Variants in AFF3 observed in about 807,000 individuals in gnomAD.
AFF3 encodes the protein AF4/FMR2 family member 3.
A neutral mutation model predicts 129.7 loss-of-function variants in AFF3; 32 were observed. That is an observed-to-expected ratio of 0.25 (90% CI 0.19 to 0.33). The LOEUF is 0.33. Ranked by LOEUF, AFF3 falls within the 10% of genes least tolerant of loss-of-function variation. The pLI is 1.00. For synonymous variants in AFF3, 644 were observed against 635.4 expected (o/e 1.01, Z -0.20); for missense variants, 1,373 against 1,592.0 (o/e 0.86, Z 2.34).
chr2:99,927,739 A>T (rs1236499495), intron 7 of AFF3, among the ~76,000 whole-genome samples: 3 of 152,170 alleles, frequency 2.0e-5, no homozygotes, highest in Non-Finnish European at 4.4e-5. Context: ...AATAAAAGTT[A>T]AAAAAAATTT....
intron 7 of AFF3, among the ~76,000 whole-genome samples, chr2:99,919,200 T>A (rs1695689888): frequency 6.6e-6 from 1 of 152,214 alleles, no homozygotes; most frequent in African/African-American, 2.4e-5. Flanking sequence ...CTTTTATGGA[T>A]GATCCATGAG....
Position 99,659,108 on chromosome 2 carries a change from CT to C in AFF3, c.1144-9443del, listed in dbSNP as rs538477842. Reference sequence around the variant, plus strand: ...TGACAGAACTATGTAAAGGAAGTAGCTGTCTGGGTTAGGTCTGGGTAGGAGC... The same window carrying C: ...TGACAGAACTATGTAAAGGAAGTAGCGTCTGGGTTAGGTCTGGGTAGGAGC... On this transcript the variant is annotated intron_variant, in intron 12 of 24. Coordinates refer to ENST00000672756, the MANE Select transcript of AFF3 (RefSeq NM_001386135.1). Among the ~76,000 whole-genome samples, 406 of 152,310 alleles carry C rather than the reference CT, an allele frequency of 2.7e-3. 3 individuals are homozygous for C. Among genetic ancestry groups the C allele is most frequent in the Middle Eastern group, 0.01 (3 of 294 alleles).
chr2:100,107,631 G>T, intron 2 of AFF3: 1 of 471,684 alleles, frequency 2.1e-6, no homozygotes, highest in Non-Finnish European at 2.8e-6. Context: ...CTAAGGGGAG[G>T]GCTGCTGGGG....
At chr2:99,749,810 T>C (rs1232920831) in intron 9 of AFF3, among the ~76,000 whole-genome samples, 1 of 152,208 alleles carries the variant, frequency 6.6e-6, no homozygotes, top group Non-Finnish European at 1.5e-5. Context: ...ATTCGAACAA[T>C]GAATTCTTGG....
intron 14 of AFF3, among the ~76,000 whole-genome samples, chr2:99,599,894 C>T (rs1385374401): frequency 3.3e-5 from 5 of 152,146 alleles, no homozygotes; most frequent in Non-Finnish European, 2.9e-5. Flanking sequence ...ATTAGAATGT[C>T]AGCTCTATGA....
At chr2:99,608,121 C>G (rs983824162) in intron 13 of AFF3, among the ~76,000 whole-genome samples, 8 of 152,234 alleles carry the variant, frequency 5.3e-5, no homozygotes, top group Admixed American at 1.3e-4. Context: ...CTCAATGGGT[C>G]TATCCCTAAA....
At chr2:100,043,420 T>A (rs1354317388) in intron 4 of AFF3, among the ~76,000 whole-genome samples, 1 of 152,160 alleles carries the variant, frequency 6.6e-6, no homozygotes, top group Non-Finnish European at 1.5e-5. Flanking sequence ...ATGAGCAAAA[T>A]ACATGGCTTT....
chr2:99,565,305 G>A (rs746553461), intron 20 of AFF3, among the ~76,000 whole-genome samples, 182 bp downstream of exon 20: 4 of 152,072 alleles, frequency 2.6e-5, no homozygotes, highest in East Asian at 1.9e-4. Flanking sequence ...CCTTGCTCAC[G>A]GAGGACAGAG....
chr2:100,064,588 C>G (rs1297446207), intron 4 of AFF3, among the ~76,000 whole-genome samples: 3 of 152,190 alleles, frequency 2.0e-5, no homozygotes, highest in Non-Finnish European at 4.4e-5. Context: ...CCTTCCTCAA[C>G]AAAAAGCTTG....
In AFF3 at chr2:99,637,578, A is replaced by C. The variant is rs552771163; in HGVS notation, c.1184+12048T>G. 5.9e-5 allele frequency among the ~76,000 whole-genome samples: 9 copies of C among 152,364 alleles called. No individual in the cohort carries two copies. In the East Asian group the frequency reaches 1.7e-3, roughly 29 times the overall value. ...ACCTTCACATGGCATCAGTGTAAACATTCTAACAGAACCGACCACCAATTA... is the reference window on the plus strand; with the variant it reads ...ACCTTCACATGGCATCAGTGTAAACCTTCTAACAGAACCGACCACCAATTA... On this transcript the variant is annotated intron_variant, in intron 13 of 24. Transcript: ENST00000672756.
intron 11 of AFF3, among the ~76,000 whole-genome samples, chr2:99,690,899 A>G (rs7570442): frequency 0.86 from 130,188 of 151,776 alleles, 55,971 homozygotes; most frequent in East Asian, 0.92. Context: ...AGGTCAGGAG[A>G]AAGGAGATGG....
chr2:99,718,069 T>G (rs576542598), intron 11 of AFF3, among the ~76,000 whole-genome samples: 1 of 152,382 alleles, frequency 6.6e-6, no homozygotes, highest in Admixed American at 6.5e-5. Context: ...CTTAAATTAC[T>G]TTAGTTTTAC....
chr2:99,569,063 T>C (rs1676245033), intron 18 of AFF3, 148 bp from the exon 19 acceptor site: 2 of 691,546 alleles, frequency 2.9e-6, no homozygotes, highest in African/African-American at 1.8e-5. Flanking sequence ...TCCAAACTAC[T>C]GCCTGTATGT....
intron 4 of AFF3, among the ~76,000 whole-genome samples, chr2:100,027,387 CAACTT>C (rs1377190271): frequency 6.6e-6 from 1 of 152,206 alleles, no homozygotes; most frequent in Non-Finnish European, 1.5e-5. Context: ...TTTATAAACT[CAACTT>C]GTCTCCTTCC....
chr2:99,962,730 C>G (rs958130271), intron 7 of AFF3, among the ~76,000 whole-genome samples: 1 of 151,744 alleles, frequency 6.6e-6, no homozygotes, highest in Non-Finnish European at 1.5e-5. Flanking sequence ...AGAAAAAATA[C>G]ATCTCATTTG....
intron 4 of AFF3, among the ~76,000 whole-genome samples, chr2:100,084,020 A>G (rs1337755547): frequency 6.6e-6 from 1 of 152,244 alleles, no homozygotes; most frequent in Non-Finnish European, 1.5e-5. Context: ...GCCATTAGCT[A>G]TTCCACGTGA....
At chr2:99,776,476 C>T (rs1394574694) in intron 8 of AFF3, among the ~76,000 whole-genome samples, 2 of 152,202 alleles carry the variant, frequency 1.3e-5, no homozygotes, top group Non-Finnish European at 2.9e-5. Context: ...ATTTTTAACA[C>T]TAATATCTCA....
chr2:99,699,453 T>C (rs1293031168), intron 11 of AFF3, among the ~76,000 whole-genome samples: 1 of 152,240 alleles, frequency 6.6e-6, no homozygotes. Flanking sequence ...TCGCCTGGCA[T>C]ACTAAAAGTG....
chr2:99,651,532 C>T (rs1352973810), intron 12 of AFF3, among the ~76,000 whole-genome samples: 1 of 151,948 alleles, frequency 6.6e-6, no homozygotes, highest in African/African-American at 2.4e-5. Context: ...ACCTCTGCCT[C>T]CCAGGTTCAA....
Sources: allele counts gnomAD v4.1 joint callset (sites outside exome capture counted in the v4.1 genomes callset), GRCh38; gene constraint gnomAD v4.1.1; transcripts MANE v1.5; gene names NCBI Gene and HGNC (gene_info 2026-07-23, HGNC 2026-07-21).